The following PRTFDC1 variants were observed in gnomAD, a reference collection of about 807,000 sequenced individuals.
PRTFDC1 encodes phosphoribosyltransferase domain-containing protein 1.
In PRTFDC1, 38 loss-of-function variants were observed where a neutral mutation model predicts 34.6. The ratio of observed to expected loss-of-function variants is 1.10; its 90% CI spans 0.85 to 1.44. The LOEUF (loss-of-function observed/expected upper bound fraction) is 1.44. PRTFDC1 is among the 40% of genes most tolerant of loss of function. PRTFDC1 has a pLI of 0.00. For synonymous variants in PRTFDC1, 93 were observed against 98.1 expected (o/e 0.95, Z 0.31); for missense variants, 270 against 283.0 (o/e 0.95, Z 0.33).
chr10:24,909,903 C>T (rs748928200), intron 3 of PRTFDC1, among the ~76,000 whole-genome samples: 1 of 151,806 alleles, frequency 6.6e-6, no homozygotes, highest in Non-Finnish European at 1.5e-5. Context: ...ATAATCCCAG[C>T]ACTTTGGGAG....
chr10:24,871,935 G>T, intron 4 of PRTFDC1, 63 bp downstream of exon 4: 2 of 1,435,212 alleles, frequency 1.4e-6, no homozygotes, highest in Non-Finnish European at 1.9e-6. Context: ...GTGCTGACCT[G>T]AAATGCAGGT....
chr10:24,886,443 T>G (rs1393648986), intron 3 of PRTFDC1, among the ~76,000 whole-genome samples: 1 of 152,148 alleles, frequency 6.6e-6, no homozygotes, highest in African/African-American at 2.4e-5. Flanking sequence ...GACCCCATCT[T>G]GCTCCAAAGC....
At chr10:24,850,595 G>A (rs1417335135) in intron 8 of PRTFDC1, among the ~76,000 whole-genome samples, 1 of 152,156 alleles carries the variant, frequency 6.6e-6, no homozygotes, top group East Asian at 1.9e-4. Context: ...TTGCGTCACT[G>A]CACTCTAGCC....
chr10:24,904,981 T>A (rs1490320201), intron 3 of PRTFDC1, among the ~76,000 whole-genome samples: 1 of 152,106 alleles, frequency 6.6e-6, no homozygotes, highest in African/African-American at 2.4e-5. Context: ...TCCACATGGG[T>A]GTGCCATGGG....
chr10:24,862,079 T>G (rs915506958), intron 4 of PRTFDC1, among the ~76,000 whole-genome samples: 3 of 152,164 alleles, frequency 2.0e-5, no homozygotes, highest in Non-Finnish European at 4.4e-5. Context: ...CTAAAGACTT[T>G]CTAAATTTTT....
intron 1 of PRTFDC1, among the ~76,000 whole-genome samples, chr10:24,946,279 T>C (rs924462522): frequency 6.6e-6 from 1 of 152,084 alleles, no homozygotes; most frequent in Non-Finnish European, 1.5e-5. Flanking sequence ...CAGTTTCCCC[T>C]TGCTTTAAAT....
At chr10:24,937,526 G>T (rs1849072940) in intron 2 of PRTFDC1, among the ~76,000 whole-genome samples, 159 bp from the exon 3 acceptor site, 1 of 151,110 alleles carries the variant, frequency 6.6e-6, no homozygotes, top group African/African-American at 2.4e-5. Flanking sequence ...CTTTGTTAAG[G>T]TTGAACATAA....
At chr10:24,936,779 C>T (rs1242292607) in intron 3 of PRTFDC1, among the ~76,000 whole-genome samples, 2 of 152,142 alleles carry the variant, frequency 1.3e-5, no homozygotes, top group Non-Finnish European at 2.9e-5. Context: ...CACCCAAGTA[C>T]TAAGACTCCT....
At chr10:24,938,101 C>T (rs1223948950) in intron 2 of PRTFDC1, among the ~76,000 whole-genome samples, 1 of 151,770 alleles carries the variant, frequency 6.6e-6, no homozygotes, top group Non-Finnish European at 1.5e-5. Context: ...TGGCGGGTGC[C>T]TGTAATCCCA....
chr10:24,915,115 T>A (rs899387481), intron 3 of PRTFDC1, among the ~76,000 whole-genome samples: 3 of 152,124 alleles, frequency 2.0e-5, no homozygotes, highest in Middle Eastern at 3.2e-3. Flanking sequence ...AACAATCTCA[T>A]GAGACACACA....
At chr10:24,904,261 TACACACACACACAC>T (rs10585982) in intron 3 of PRTFDC1, among the ~76,000 whole-genome samples, 24 of 148,172 alleles carry the variant, frequency 1.6e-4, no homozygotes, top group Non-Finnish European at 3.4e-4. Context: ...TAAAATGTAA[TACACACACACACAC>T]ACACACACAC....
intron 3 of PRTFDC1, among the ~76,000 whole-genome samples, chr10:24,934,578 C>A (rs1345431885): frequency 2.0e-5 from 3 of 152,208 alleles, no homozygotes; most frequent in Admixed American, 2.0e-4. Context: ...CTCCACAACT[C>A]CTTATCATAA....
intron 4 of PRTFDC1, among the ~76,000 whole-genome samples, chr10:24,862,292 C>T (rs1847692311): frequency 6.6e-6 from 1 of 152,100 alleles, no homozygotes; most frequent in Admixed American, 6.6e-5. Context: ...GCTGGTTTAT[C>T]CAACCTATAC....
chr10:24,952,312 G>A lies in PRTFDC1; in HGVS notation c.48+216C>T, dbSNP rs1402401270. On this transcript the variant is annotated intron_variant, in intron 1 of 8. Transcript: ENST00000320152. The surrounding 1 kb of genome is among the most constrained non-coding windows in gnomAD (Gnocchi z 5.1). ...GGCCGGAGGACACGGGGGGACGCTG[G>A]GAACTCGGGGTGAAGGGACGGGACT... 1.3e-5 allele frequency among the ~76,000 whole-genome samples: 2 copies of A among 151,994 alleles called. No individual in the cohort carries two copies. The highest frequency in any genetic ancestry group is 2.4e-5 in the African/African-American group (1 of 41,412).
At chr10:24,897,137 G>C (rs1848380676) in intron 3 of PRTFDC1, among the ~76,000 whole-genome samples, 1 of 152,140 alleles carries the variant, frequency 6.6e-6, no homozygotes, top group Admixed American at 6.5e-5. Flanking sequence ...TTGAGCCCAG[G>C]AGTTTGAGGC....
intron 3 of PRTFDC1, among the ~76,000 whole-genome samples, chr10:24,885,388 AG>A (rs1229524349): frequency 6.6e-6 from 1 of 152,174 alleles, no homozygotes; most frequent in African/African-American, 2.4e-5. Flanking sequence ...GTCTGCAAAA[AG>A]TTACCTAGAT....
intron 3 of PRTFDC1, among the ~76,000 whole-genome samples, chr10:24,916,949 T>G (rs1848705277): frequency 6.6e-6 from 1 of 152,202 alleles, no homozygotes; most frequent in Non-Finnish European, 1.5e-5. Context: ...ACAGTCCAAT[T>G]ACCATATATG....
chr10:24,944,047 T>G (rs73606595), intron 1 of PRTFDC1, among the ~76,000 whole-genome samples: 3,933 of 152,212 alleles, frequency 0.026, 139 homozygotes, highest in African/African-American at 0.087. Context: ...TCATTTGCCG[T>G]GCACCCCTTC....
chr10:24,886,252 C>G (rs1026898353), intron 3 of PRTFDC1, among the ~76,000 whole-genome samples: 1 of 151,770 alleles, frequency 6.6e-6, no homozygotes, highest in Non-Finnish European at 1.5e-5. Context: ...CCTGTACCTC[C>G]CAGACAGCTT....
Sources: allele counts gnomAD v4.1 joint callset (sites outside exome capture counted in the v4.1 genomes callset), GRCh38; gene constraint gnomAD v4.1.1; non-coding constraint Gnocchi (gnomAD v3.1); transcripts MANE v1.5; gene names NCBI Gene and HGNC (gene_info 2026-07-23, HGNC 2026-07-21).